Variants in IL1RAPL2 observed in about 807,000 individuals in gnomAD.
IL1RAPL2 encodes X-linked interleukin-1 receptor accessory protein-like 2.
A neutral mutation model predicts 44.1 loss-of-function variants in IL1RAPL2; 3 were observed. That is an observed-to-expected ratio of 0.07 (90% CI 0.03 to 0.18). IL1RAPL2 has a LOEUF of 0.18. IL1RAPL2 is among the 10% of genes least tolerant of loss of function. The pLI is 1.00. For synonymous variants in IL1RAPL2, 181 were observed against 178.8 expected, an observed-to-expected ratio of 1.01 and a Z score of -0.10; for missense variants, 391 against 496.4, an observed-to-expected ratio of 0.79 and a Z score of 2.02.
At chrX:105,656,563 C>T (rs1298907985) in intron 6 of IL1RAPL2, among the ~76,000 whole-genome samples, 1 of 111,525 alleles carries the variant, frequency 9.0e-6, no homozygotes, top group Non-Finnish European at 1.9e-5. Context: ...ATGTATTGTC[C>T]AGTAGTTGTA....
chrX:105,314,688 T>C (rs2034823584), intron 5 of IL1RAPL2, among the ~76,000 whole-genome samples: 1 of 111,729 alleles, frequency 9.0e-6, no homozygotes, highest in African/African-American at 3.3e-5. Flanking sequence ...GGAGCCAGGA[T>C]AAGGTCAGTA....
At chrX:104,881,959 T>C (rs1260303755) in intron 2 of IL1RAPL2, among the ~76,000 whole-genome samples, 4 of 112,195 alleles carry the variant, frequency 3.6e-5, no homozygotes, top group Non-Finnish European at 5.6e-5. Context: ...TGTTTAGTTT[T>C]TAAAAATGCT....
intron 6 of IL1RAPL2, among the ~76,000 whole-genome samples, chrX:105,563,718 C>G (rs1368120928): frequency 9.0e-6 from 1 of 111,441 alleles, no homozygotes; most frequent in Non-Finnish European, 1.9e-5. Context: ...AGTTTATGCT[C>G]TTTCTAATAT....
intron 5 of IL1RAPL2, among the ~76,000 whole-genome samples, chrX:105,357,401 A>G: frequency 8.9e-6 from 1 of 111,954 alleles, no homozygotes. Flanking sequence ...TATCACTACC[A>G]TAATAGTTTT....
intron 3 of IL1RAPL2, among the ~76,000 whole-genome samples, chrX:105,203,429 A>T (rs1217844683): frequency 1.8e-5 from 2 of 112,295 alleles, no homozygotes; most frequent in East Asian, 2.8e-4. Context: ...TTATGGTATC[A>T]TGGTTGTTTA....
At chrX:105,177,385 T>C (rs1216287949) in intron 2 of IL1RAPL2, among the ~76,000 whole-genome samples, 1 of 110,806 alleles carries the variant, frequency 9.0e-6, no homozygotes, top group Non-Finnish European at 1.9e-5. Flanking sequence ...TACATTATGG[T>C]GAGTTGTATA....
rs746495825 is a variant in IL1RAPL2 at position 104,906,176 on chromosome X, G to A, written c.82+247181G>A. 9.0e-5 allele frequency among the ~76,000 whole-genome samples: 10 copies of A among 111,567 alleles called. No homozygotes were observed. The South Asian group carries it at 3.8e-3, about 42-fold the overall frequency. On this transcript the variant is annotated intron_variant, in intron 2 of 10. Transcript: ENST00000372582. ...TTTTGTATCCTGAGACTTTGCTGAA[G>A]TTGCTTATCAGCTTGAGGAGATTTT...
intron 6 of IL1RAPL2, among the ~76,000 whole-genome samples, chrX:105,604,642 A>G (rs914218393): frequency 2.7e-5 from 3 of 111,336 alleles, no homozygotes; most frequent in African/African-American, 9.8e-5. Context: ...TTCCAAACTC[A>G]TTTTATGAAG....
intron 2 of IL1RAPL2, among the ~76,000 whole-genome samples, chrX:104,856,222 G>T (rs1345311698): frequency 8.9e-6 from 1 of 112,015 alleles, no homozygotes; most frequent in African/African-American, 3.2e-5. Flanking sequence ...AATAATTTGA[G>T]AAATCTTTTT....
At chrX:105,201,965 G>A (rs1222270406) in intron 3 of IL1RAPL2, among the ~76,000 whole-genome samples, 7 of 111,672 alleles carry the variant, frequency 6.3e-5, no homozygotes, top group Non-Finnish European at 1.1e-4. Context: ...TCTGTTTTTG[G>A]TTATAAGCAG....
chrX:104,584,369 T>C (rs1054404349), intron 1 of IL1RAPL2, among the ~76,000 whole-genome samples: 13 of 109,774 alleles, frequency 1.2e-4, no homozygotes, highest in African/African-American at 4.4e-4. Flanking sequence ...CACATCTCCT[T>C]CTTTTCCTGG....
At chrX:104,700,651 C>T (rs1931259520) in intron 2 of IL1RAPL2, among the ~76,000 whole-genome samples, 1 of 111,487 alleles carries the variant, frequency 9.0e-6, no homozygotes, top group Non-Finnish European at 1.9e-5. Context: ...GCAATGGCTT[C>T]CTGAGGGTTA....
chrX:104,983,886 C>T lies in IL1RAPL2; in HGVS notation c.83-211589C>T, dbSNP rs750121221. Among the ~76,000 whole-genome samples, 5 of 109,114 alleles carry T rather than the reference C, an allele frequency of 4.6e-5. No homozygotes were observed. The South Asian group carries it at 1.5e-3, about 33-fold the overall frequency. The allele number at this position is 109,114 out of a possible 115,157, so 94.8% of individuals were successfully genotyped here. On this transcript the variant is annotated intron_variant, in intron 2 of 10. Transcript: ENST00000372582. ...AAGTATAGATGTAGAATTTTAGGAACCTCTGGCCTTTTTACAGGTATTTTC... is the reference window on the plus strand; with the variant it reads ...AAGTATAGATGTAGAATTTTAGGAATCTCTGGCCTTTTTACAGGTATTTTC...
At chrX:104,948,542 T>C (rs1458011914) in intron 2 of IL1RAPL2, among the ~76,000 whole-genome samples, 2 of 105,711 alleles carry the variant, frequency 1.9e-5, no homozygotes, top group African/African-American at 6.8e-5. Context: ...CAGTATGATA[T>C]TGGCTGTGGG....
At chrX:104,843,739 C>T (rs1921970575) in intron 2 of IL1RAPL2, among the ~76,000 whole-genome samples, 1 of 109,019 alleles carries the variant, frequency 9.2e-6, no homozygotes, top group South Asian at 4.1e-4. Flanking sequence ...CCTAACCAGT[C>T]CCATTGAGAT....
intron 5 of IL1RAPL2, among the ~76,000 whole-genome samples, chrX:105,291,777 C>CT (rs780954015): frequency 2.7e-5 from 3 of 111,404 alleles, no homozygotes; most frequent in Non-Finnish European, 5.6e-5. Context: ...CCTCAAAGAC[C>CT]TTTTCATGGG....
At chrX:104,944,612 C>T (rs1000623380) in intron 2 of IL1RAPL2, among the ~76,000 whole-genome samples, 1 of 111,614 alleles carries the variant, frequency 9.0e-6, no homozygotes, top group Admixed American at 9.6e-5. Context: ...ACAATGCTGC[C>T]TCCTTAGAAC....
At chrX:105,390,906 A>T (rs2035516797) in intron 5 of IL1RAPL2, among the ~76,000 whole-genome samples, 1 of 111,516 alleles carries the variant, frequency 9.0e-6, no homozygotes, top group South Asian at 3.8e-4. Context: ...TGGAAGTTAT[A>T]AAAATTAATA....
intron 6 of IL1RAPL2, among the ~76,000 whole-genome samples, chrX:105,515,951 T>C (rs2036510255): frequency 8.9e-6 from 1 of 111,811 alleles, no homozygotes; most frequent in Non-Finnish European, 1.9e-5. Context: ...ATGAGAAGAT[T>C]CTGGGCTGTG....
Sources: allele counts gnomAD v4.1 joint callset (sites outside exome capture counted in the v4.1 genomes callset), GRCh38; gene constraint gnomAD v4.1.1; transcripts MANE v1.5; gene names NCBI Gene and HGNC (gene_info 2026-07-23, HGNC 2026-07-21).